SORCS1: variants seen among roughly 807,000 people sequenced by gnomAD.
The protein encoded by SORCS1 is VPS10 domain-containing receptor SorCS1.
SORCS1 carries 60 observed loss-of-function variants against 146.1 expected under a neutral mutation model. The ratio of observed to expected loss-of-function variants is 0.41; its 90% CI spans 0.33 to 0.51. The LOEUF (loss-of-function observed/expected upper bound fraction) is 0.51. SORCS1 is among the 20% of genes least tolerant of loss of function. The pLI is 0.21. For missense variants in SORCS1, 1,352 were observed against 1,487.6 expected (o/e 0.91, Z 1.50); for synonymous variants, 637 against 584.0 (o/e 1.09, Z -1.31).
chr10:106,928,386 C>T (rs1473514871), intron 2 of SORCS1, among the ~76,000 whole-genome samples: 4 of 152,214 alleles, frequency 2.6e-5, no homozygotes, highest in Non-Finnish European at 4.4e-5. Context: ...CAGGCTGCTC[C>T]GAGTGCGGGG....
the SORCS1 span, among the ~76,000 whole-genome samples, chr10:107,170,558 T>C: frequency 6.6e-6 from 1 of 152,218 alleles, no homozygotes; most frequent in Non-Finnish European, 1.5e-5. Context: ...TGTGGCATAA[T>C]ATTCCAGCAG....
At chr10:106,987,611 G>C (rs979818696) in intron 1 of SORCS1, among the ~76,000 whole-genome samples, 1 of 152,116 alleles carries the variant, frequency 6.6e-6, no homozygotes, top group African/African-American at 2.4e-5. Flanking sequence ...TATAAACATA[G>C]TTCCCGCCTA....
chr10:107,146,058 T>C (rs1447809434), intron 1 of SORCS1, among the ~76,000 whole-genome samples: 1 of 152,204 alleles, frequency 6.6e-6, no homozygotes, highest in Non-Finnish European at 1.5e-5. Context: ...TGCATCCTTA[T>C]ATAACAGAAT....
intron 16 of SORCS1, among the ~76,000 whole-genome samples, chr10:106,670,503 A>G (rs771883963): frequency 4.6e-5 from 7 of 152,176 alleles, no homozygotes; most frequent in South Asian, 2.1e-4. Flanking sequence ...CTCATAAGCT[A>G]TGGTCAGCTA....
At chr10:107,028,074 T>C (rs775873362) in intron 1 of SORCS1, among the ~76,000 whole-genome samples, 3 of 152,206 alleles carry the variant, frequency 2.0e-5, no homozygotes, top group Non-Finnish European at 4.4e-5. Flanking sequence ...CTTCTCTTCT[T>C]GTCGTATTTT....
At chr10:106,620,608 C>A in intron 19 of SORCS1, 47 bp from the exon 20 acceptor site, 1 of 1,599,528 alleles carries the variant, frequency 6.3e-7, no homozygotes, top group South Asian at 1.1e-5. Flanking sequence ...AGAGCTTCCT[C>A]TGCTCTGTCC....
intron 3 of SORCS1, among the ~76,000 whole-genome samples, chr10:106,784,901 T>C (rs1324328119): frequency 6.6e-6 from 1 of 152,218 alleles, no homozygotes; most frequent in Non-Finnish European, 1.5e-5. Flanking sequence ...AGTTGTGTAC[T>C]TGACTTTAGA....
At chr10:106,820,142 G>C (rs982766580) in intron 3 of SORCS1, among the ~76,000 whole-genome samples, 1 of 151,918 alleles carries the variant, frequency 6.6e-6, no homozygotes, top group Middle Eastern at 3.2e-3. Context: ...TCCACTATAA[G>C]CATGTTCATT....
intron 1 of SORCS1, among the ~76,000 whole-genome samples, chr10:107,105,242 A>T (rs775726654): frequency 1.3e-5 from 2 of 152,206 alleles, no homozygotes; most frequent in Non-Finnish European, 2.9e-5. Flanking sequence ...CTCAGGACAG[A>T]ACATGGTGTC....
At chr10:107,022,992 A>G (rs957073139) in intron 1 of SORCS1, among the ~76,000 whole-genome samples, 1 of 152,188 alleles carries the variant, frequency 6.6e-6, no homozygotes, top group Non-Finnish European at 1.5e-5. Flanking sequence ...GGAGGCCTGG[A>G]TCTGAATCTG....
intron 2 of SORCS1, among the ~76,000 whole-genome samples, chr10:106,941,807 T>A (rs1463766005): frequency 6.6e-6 from 1 of 152,252 alleles, no homozygotes; most frequent in Non-Finnish European, 1.5e-5. Context: ...TACTTCAGCC[T>A]AATATCTGAG....
At chr10:107,021,354 C>T (rs6584779) in intron 1 of SORCS1, among the ~76,000 whole-genome samples, 57,442 of 150,524 alleles carry the variant, frequency 0.38, 11,197 homozygotes, top group African/African-American at 0.46. Context: ...CTACTAAAAA[C>T]GCAAAAAAAA....
intron 6 of SORCS1, among the ~76,000 whole-genome samples, chr10:106,712,236 T>C (rs902970155): frequency 1.3e-5 from 2 of 152,068 alleles, no homozygotes. Context: ...AATGTAACAA[T>C]GTGTGGGAAA....
chr10:106,672,099 G>A (rs982364452), intron 15 of SORCS1, among the ~76,000 whole-genome samples: 2 of 152,090 alleles, frequency 1.3e-5, no homozygotes. Context: ...ACTGTACACC[G>A]TCTTTCTTGA....
At chr10:106,952,489 C>T (rs12267320) in intron 2 of SORCS1, among the ~76,000 whole-genome samples, 69,158 of 150,612 alleles carry the variant, frequency 0.46, 17,829 homozygotes, top group Non-Finnish European at 0.58. Flanking sequence ...CTCTTGAGTA[C>T]GGGCACTGTG....
At chr10:106,749,384 C>T (rs1857982574) in intron 5 of SORCS1, among the ~76,000 whole-genome samples, 1 of 152,212 alleles carries the variant, frequency 6.6e-6, no homozygotes, top group Admixed American at 6.5e-5. Context: ...TGCAAACTCA[C>T]TGAGCAGTAG....
intron 2 of SORCS1, among the ~76,000 whole-genome samples, chr10:106,835,743 T>G (rs1002123208): frequency 6.6e-6 from 1 of 152,160 alleles, no homozygotes; most frequent in Non-Finnish European, 1.5e-5. Context: ...TGATGGCTCA[T>G]GTCTGTAATC....
intron 1 of SORCS1, among the ~76,000 whole-genome samples, chr10:107,119,884 G>A (rs1322712186): frequency 1.3e-5 from 2 of 152,154 alleles, no homozygotes; most frequent in Admixed American, 1.3e-4. Context: ...AGAAAATGAA[G>A]GAGGCCTGAG....
At chr10:107,025,735 T>C (rs1227315564) in intron 1 of SORCS1, among the ~76,000 whole-genome samples, 1 of 152,228 alleles carries the variant, frequency 6.6e-6, no homozygotes, top group Non-Finnish European at 1.5e-5. Context: ...GGACCCTTGA[T>C]GTCAGGCTGG....
Sources: gnomAD v4.1 joint callset for allele counts (sites outside exome capture counted in the v4.1 genomes callset) on GRCh38, gnomAD v4.1.1 for gene constraint, MANE v1.5 for transcripts, NCBI Gene and HGNC (gene_info 2026-07-23, HGNC 2026-07-21) for gene names.